Variants in EDIL3 observed in about 807,000 individuals in gnomAD.
EDIL3 encodes the protein EGF-like repeat and discoidin I-like domain-containing protein 3.
In EDIL3, 37 loss-of-function variants were observed where a neutral mutation model predicts 67.4. That is an observed-to-expected ratio of 0.55 (90% CI 0.42 to 0.72). The LOEUF (loss-of-function observed/expected upper bound fraction) is 0.72. EDIL3 is among the 30% of genes least tolerant of loss of function. The pLI is 0.00. For synonymous variants in EDIL3, 195 were observed against 196.3 expected (o/e 0.99, Z 0.05); for missense variants, 527 against 586.3 (o/e 0.90, Z 1.04).
intron 1 of EDIL3, among the ~76,000 whole-genome samples, chr5:84,373,267 C>A (rs1366553586): frequency 6.6e-6 from 1 of 152,162 alleles, no homozygotes; most frequent in Non-Finnish European, 1.5e-5. Context: ...TTAATAACCA[C>A]AAAGATGATT....
chr5:83,969,905 T>A (rs138762913), intron 9 of EDIL3, among the ~76,000 whole-genome samples: 4 of 151,768 alleles, frequency 2.6e-5, no homozygotes, highest in Non-Finnish European at 4.4e-5. Context: ...TTGTTCAGAA[T>A]CCTCCTTGTA....
intron 6 of EDIL3, among the ~76,000 whole-genome samples, chr5:84,075,049 G>A (rs1318686267): frequency 1.3e-5 from 2 of 152,150 alleles, no homozygotes; most frequent in Non-Finnish European, 2.9e-5. Context: ...GTTCTTTGTA[G>A]GGACATGGAT....
intron 9 of EDIL3, among the ~76,000 whole-genome samples, chr5:83,999,887 G>A (rs6866640): frequency 0.13 from 19,757 of 151,878 alleles, 3,229 homozygotes; most frequent in African/African-American, 0.39. Flanking sequence ...AAAGGATCCT[G>A]AAAGCAGCAA....
chr5:84,322,705 C>T (rs1173272038), intron 1 of EDIL3, among the ~76,000 whole-genome samples: 2 of 151,972 alleles, frequency 1.3e-5, no homozygotes, highest in Admixed American at 1.3e-4. Context: ...TAAATGTAAA[C>T]ATCCAAAAGG....
At chr5:84,283,053 CCAA>C (rs1463061977) in intron 1 of EDIL3, among the ~76,000 whole-genome samples, 8 of 151,142 alleles carry the variant, frequency 5.3e-5, no homozygotes, top group African/African-American at 1.9e-4. Context: ...TTTTTTTTAA[CCAA>C]CGTTACTGTG....
chr5:84,146,386 C>A (rs1242746390), intron 4 of EDIL3, among the ~76,000 whole-genome samples: 1 of 152,076 alleles, frequency 6.6e-6, no homozygotes, highest in Non-Finnish European at 1.5e-5. Flanking sequence ...GTTTCACCAT[C>A]ACTAGGGAAT....
At chr5:83,970,780 T>C (rs1744778144) in intron 9 of EDIL3, among the ~76,000 whole-genome samples, 1 of 150,628 alleles carries the variant, frequency 6.6e-6, no homozygotes, top group African/African-American at 2.4e-5. Flanking sequence ...GTTTGCACTT[T>C]CTTCTAGAAA....
chr5:84,362,925 A>C (rs1279182852), intron 1 of EDIL3, among the ~76,000 whole-genome samples: 1 of 152,190 alleles, frequency 6.6e-6, no homozygotes, highest in Non-Finnish European at 1.5e-5. Context: ...AAGAACAGAC[A>C]GAAATTATTT....
rs5869219 is a variant in EDIL3, at chr5:84,300,933, T to TAC, written c.68-46723_68-46722dup. ...AAATATACATGCACACACAGACACA[T>TAC]ACACACACACACACACACACGTCTC... On this transcript the variant is annotated intron_variant, in intron 1 of 10. Transcript: ENST00000296591. Among the ~76,000 whole-genome samples the TAC allele has an allele frequency of 7.0e-3, 1,042 of 149,678 alleles. 3 individuals are homozygous for TAC. Among genetic ancestry groups the TAC allele is most frequent in the African/African-American group, 0.014 (564 of 40,874 alleles).
At chr5:84,092,919 C>G (rs1326351113) in intron 6 of EDIL3, among the ~76,000 whole-genome samples, 7 of 152,232 alleles carry the variant, frequency 4.6e-5, no homozygotes, top group Admixed American at 4.6e-4. Flanking sequence ...GCCCATCTAG[C>G]CTTGCCTATA....
At chr5:84,005,546 A>T (rs114404108) in intron 9 of EDIL3, among the ~76,000 whole-genome samples, 1 of 152,164 alleles carries the variant, frequency 6.6e-6, no homozygotes, top group East Asian at 1.9e-4. Flanking sequence ...AATGTGTTTC[A>T]TCACATACAC....
chr5:84,238,677 T>TTC (rs1554037716), intron 2 of EDIL3, among the ~76,000 whole-genome samples: 1 of 149,684 alleles, frequency 6.7e-6, no homozygotes, highest in African/African-American at 2.5e-5. Context: ...TTTTTTTTTT[T>TTC]TTTTTTCAGA....
intron 7 of EDIL3, among the ~76,000 whole-genome samples, chr5:84,065,178 G>T (rs1414304158): frequency 6.6e-6 from 1 of 151,940 alleles, no homozygotes; most frequent in Non-Finnish European, 1.5e-5. Context: ...ATTTAATCTG[G>T]GACTGTCTGC....
chr5:84,060,227 A>G, intron 9 of EDIL3, 73 bp downstream of exon 9: 1 of 1,546,076 alleles, frequency 6.5e-7, no homozygotes, highest in Non-Finnish European at 8.8e-7. Context: ...CGACTCTGAC[A>G]CTCACCTAAT....
intron 5 of EDIL3, among the ~76,000 whole-genome samples, chr5:84,127,554 G>A (rs1271504793): frequency 6.6e-6 from 1 of 151,890 alleles, no homozygotes; most frequent in Non-Finnish European, 1.5e-5. Context: ...TTGCAATCTG[G>A]CATTCTTCTC....
intron 6 of EDIL3, among the ~76,000 whole-genome samples, chr5:84,095,574 C>G (rs1439469463): frequency 6.6e-6 from 1 of 152,084 alleles, no homozygotes; most frequent in Admixed American, 6.5e-5. Context: ...GAACTTTGAA[C>G]TTGAGAGAGA....
At chr5:84,269,991 C>T (rs1216264320) in intron 1 of EDIL3, among the ~76,000 whole-genome samples, 2 of 152,096 alleles carry the variant, frequency 1.3e-5, no homozygotes, top group Non-Finnish European at 2.9e-5. Flanking sequence ...AGTGTATGCT[C>T]TATGATCTCT....
intron 10 of EDIL3, among the ~76,000 whole-genome samples, chr5:83,956,829 G>A (rs1455429555): frequency 6.6e-6 from 1 of 151,558 alleles, no homozygotes; most frequent in Non-Finnish European, 1.5e-5. Flanking sequence ...AACATCTCAT[G>A]TACCCCATAA....
At chr5:84,295,792 A>G (rs568607493) in intron 1 of EDIL3, among the ~76,000 whole-genome samples, 145 of 152,272 alleles carry the variant, frequency 9.5e-4, no homozygotes, top group Non-Finnish European at 1.8e-3. Context: ...TTATACACAC[A>G]CCATTTGCTA....
Sources: gnomAD v4.1 joint callset for allele counts (sites outside exome capture counted in the v4.1 genomes callset) on GRCh38, gnomAD v4.1.1 for gene constraint, MANE v1.5 for transcripts, NCBI Gene and HGNC (gene_info 2026-07-23, HGNC 2026-07-21) for gene names.